Variants in SPATA17 observed in about 807,000 individuals in gnomAD.
SPATA17 encodes the protein spermatogenesis-associated protein 17.
In SPATA17, 53 loss-of-function variants were observed where a neutral mutation model predicts 62.2. The observed-to-expected ratio is 0.85, with a 90% CI of 0.68 to 1.07. SPATA17 has a LOEUF of 1.07. SPATA17 is among the 50% of genes least tolerant of loss of function. The pLI is 0.00. For synonymous variants in SPATA17, 146 were observed against 146.8 expected (o/e 0.99, Z 0.04); for missense variants, 466 against 425.5 (o/e 1.10, Z -0.84).
chr1:217,741,402 C>G (rs752508487), intron 5 of SPATA17, among the ~76,000 whole-genome samples: 1 of 151,966 alleles, frequency 6.6e-6, no homozygotes, highest in South Asian at 2.1e-4. Flanking sequence ...AGCTTTTATT[C>G]GAATTATCTG....
chr1:217,837,431 G>A (rs61827072), intron 9 of SPATA17, among the ~76,000 whole-genome samples: 4,489 of 152,132 alleles, frequency 0.03, 105 homozygotes, highest in Middle Eastern at 0.061. Context: ...GCACTGTGGG[G>A]TAATTTGGGG....
chr1:217,689,520 G>A (rs1045004779), intron 5 of SPATA17, among the ~76,000 whole-genome samples: 1 of 151,928 alleles, frequency 6.6e-6, no homozygotes, highest in Admixed American at 6.6e-5. Flanking sequence ...GCCACCACAC[G>A]ATGTCTTTTT....
chr1:217,853,846 A>T (rs987657812), intron 9 of SPATA17, among the ~76,000 whole-genome samples: 2 of 152,182 alleles, frequency 1.3e-5, no homozygotes, highest in African/African-American at 2.4e-5. Flanking sequence ...TCTAGCATGT[A>T]TGTTCTCTAC....
chr1:217,677,581 G>C (rs913494347), intron 4 of SPATA17, among the ~76,000 whole-genome samples: 1 of 152,046 alleles, frequency 6.6e-6, no homozygotes, highest in Non-Finnish European at 1.5e-5. Flanking sequence ...ACAAAAAAGG[G>C]TATCCCAAAA....
intron 6 of SPATA17, among the ~76,000 whole-genome samples, chr1:217,768,407 A>G (rs559390508): frequency 2.0e-5 from 3 of 152,190 alleles, no homozygotes; most frequent in South Asian, 2.1e-4. Flanking sequence ...TAACAGAGGC[A>G]TATGGTTTCC....
chr1:217,741,331 T>C (rs1672621204), intron 5 of SPATA17, among the ~76,000 whole-genome samples: 1 of 152,136 alleles, frequency 6.6e-6, no homozygotes, highest in Non-Finnish European at 1.5e-5. Flanking sequence ...TAATGAAAAG[T>C]TTCATTATTT....
chr1:217,834,391 A>C (rs890440969), intron 9 of SPATA17, among the ~76,000 whole-genome samples: 3 of 152,140 alleles, frequency 2.0e-5, no homozygotes, highest in Non-Finnish European at 4.4e-5. Flanking sequence ...AGAAGGCATT[A>C]TTATCTTAGG....
chr1:217,741,558 TTAG>T (rs1672625709), intron 5 of SPATA17, among the ~76,000 whole-genome samples: 1 of 152,104 alleles, frequency 6.6e-6, no homozygotes, highest in South Asian at 2.1e-4. Flanking sequence ...AGGCCATTAG[TTAG>T]TAGGCAAAAT....
At chr1:217,760,342 A>C (rs1201015959) in intron 6 of SPATA17, among the ~76,000 whole-genome samples, 1 of 152,234 alleles carries the variant, frequency 6.6e-6, no homozygotes, top group African/African-American at 2.4e-5. Context: ...ATTTTATTGA[A>C]GGATAACATA....
intron 5 of SPATA17, among the ~76,000 whole-genome samples, chr1:217,711,101 T>C (rs1031380312): frequency 2.6e-5 from 4 of 152,236 alleles, no homozygotes; most frequent in Admixed American, 6.5e-5. Flanking sequence ...TTTTGGATAT[T>C]ATGAAAAGTG....
chr1:217,658,773 T>TAATAAA, intron 3 of SPATA17, among the ~76,000 whole-genome samples: 1 of 152,054 alleles, frequency 6.6e-6, no homozygotes, highest in Non-Finnish European at 1.5e-5. Context: ...ATCATAATAA[T>TAATAAA]AATAAATAAT....
intron 9 of SPATA17, among the ~76,000 whole-genome samples, chr1:217,805,501 C>G (rs941256668): frequency 1.3e-5 from 2 of 152,136 alleles, no homozygotes; most frequent in African/African-American, 4.8e-5. Context: ...GTATTGTATA[C>G]TTGAAAATGA....
intron 5 of SPATA17, among the ~76,000 whole-genome samples, chr1:217,698,846 A>T (rs1671525631): frequency 6.6e-6 from 1 of 152,100 alleles, no homozygotes; most frequent in Non-Finnish European, 1.5e-5. Context: ...CCCTTTTATA[A>T]CCACATTCAC....
chr1:217,678,159 A>G (rs1479847036), intron 4 of SPATA17, among the ~76,000 whole-genome samples: 1 of 142,974 alleles, frequency 7.0e-6, no homozygotes, highest in Non-Finnish European at 1.5e-5. Flanking sequence ...TGGGTGAGCT[A>G]TTATCAAGGA....
At chr1:217,862,890 T>C (rs1675925995) in intron 10 of SPATA17, 34 bp downstream of exon 10, 4 of 1,422,800 alleles carry the variant, frequency 2.8e-6, no homozygotes, top group Non-Finnish European at 3.9e-6. Flanking sequence ...ATTCAAAAAG[T>C]ATATTAAATA....
intron 9 of SPATA17, among the ~76,000 whole-genome samples, chr1:217,820,863 A>G (rs1041952043): frequency 5.3e-5 from 8 of 152,018 alleles, no homozygotes; most frequent in Non-Finnish European, 8.8e-5. Flanking sequence ...GTTTTTAAAG[A>G]CGCTTATTTA....
At chr1:217,731,933 A>G (rs753365190) in intron 5 of SPATA17, among the ~76,000 whole-genome samples, 1 of 152,186 alleles carries the variant, frequency 6.6e-6, no homozygotes, top group African/African-American at 2.4e-5. Flanking sequence ...AAAAAAAGCA[A>G]ATTGATAAAG....
intron 6 of SPATA17, among the ~76,000 whole-genome samples, chr1:217,749,514 A>C (rs1672848076): frequency 6.6e-6 from 1 of 151,946 alleles, no homozygotes; most frequent in African/African-American, 2.4e-5. Flanking sequence ...CACGATTCTA[A>C]ACTATCCCCA....
Position 217,640,299 on chromosome 1 carries a change from G to C in SPATA17, c.69-8583G>C, listed in dbSNP as rs143475040. Among the ~76,000 whole-genome samples the C allele has an allele frequency of 1.1e-4, 16 of 152,098 alleles. No individual in the cohort carries two copies. The East Asian group carries it at 3.1e-3, about 29-fold the overall frequency. ...AAATTGCAAAGGAAGAAGTAAAATT[G>C]TCTTTATTTACTGACAGCATAATTA... On this transcript the variant is annotated intron_variant, in intron 1 of 10. Transcript: ENST00000366933.
Sources: allele counts gnomAD v4.1 joint callset (sites outside exome capture counted in the v4.1 genomes callset), GRCh38; gene constraint gnomAD v4.1.1; transcripts MANE v1.5; gene names NCBI Gene and HGNC (gene_info 2026-07-23, HGNC 2026-07-21).